Variants in CDH8 observed in about 807,000 individuals in gnomAD.
CDH8 encodes the protein cadherin-8.
CDH8 carries 17 observed loss-of-function variants against 68.1 expected under a neutral mutation model. That is an observed-to-expected ratio of 0.25 (90% CI 0.17 to 0.37). The LOEUF is 0.37. CDH8 is among the 10% of genes least tolerant of loss of function. The pLI is 1.00. For synonymous variants in CDH8, 372 were observed against 365.1 expected, an observed-to-expected ratio of 1.02 and a Z score of -0.21; for missense variants, 763 against 999.3, an observed-to-expected ratio of 0.76 and a Z score of 3.19.
chr16:61,890,138 C>T (rs577134532), intron 3 of CDH8, among the ~76,000 whole-genome samples: 10 of 152,092 alleles, frequency 6.6e-5, no homozygotes, highest in African/African-American at 2.4e-4. Context: ...AGAGGAAAAC[C>T]AATGTATTTA....
rs1474685104 is a variant in CDH8, at chr16:62,008,892, T to C, written c.252+12260A>G. ...CAAAGTCAAGGATGCAATCAGAGGA[T>C]GAGCTTTGCCAAAGGAAAGCTCCTT... On this transcript the variant is annotated intron_variant, in intron 2 of 11. Coordinates refer to ENST00000577390, the MANE Select transcript of CDH8 (RefSeq NM_001796.5). 2.0e-5 allele frequency among the ~76,000 whole-genome samples: 3 copies of C among 152,048 alleles called. No homozygotes were observed. In the East Asian group the frequency reaches 5.8e-4, roughly 29 times the overall value.
intron 8 of CDH8, among the ~76,000 whole-genome samples, chr16:61,738,565 C>A (rs1403913077): frequency 3.3e-5 from 5 of 152,038 alleles, no homozygotes; most frequent in Non-Finnish European, 1.5e-5. Context: ...ATCTTAGATC[C>A]TTTCTTTATA....
intron 2 of CDH8, among the ~76,000 whole-genome samples, chr16:61,977,519 C>T (rs566215201): frequency 6.6e-6 from 1 of 152,178 alleles, no homozygotes; most frequent in Admixed American, 6.5e-5. Context: ...AAGTGTGAGT[C>T]TGAGGTTAAG....
At chr16:61,819,981 C>A (rs891521863) in intron 6 of CDH8, among the ~76,000 whole-genome samples, 4 of 152,038 alleles carry the variant, frequency 2.6e-5, no homozygotes, top group Non-Finnish European at 4.4e-5. Flanking sequence ...AAAGAATGAA[C>A]TATGTTCTAC....
chr16:61,710,782 G>T (rs1186720865), intron 10 of CDH8: 1 of 151,978 alleles, frequency 6.6e-6, no homozygotes, highest in Admixed American at 6.6e-5. Flanking sequence ...AGGAAGAGTA[G>T]TTTTCTGGAG....
At chr16:61,953,895 T>TTATATATATATATATATATATATATA (rs66743095) in intron 2 of CDH8, among the ~76,000 whole-genome samples, 97 of 118,820 alleles carry the variant, frequency 8.2e-4, no homozygotes, top group African/African-American at 3.5e-3. Context: ...AAAAAAAACT[T>TTATATATATATATATATATATATATA]TATATATATA....
At chr16:61,822,414 T>TA (rs1489355724) in intron 5 of CDH8, among the ~76,000 whole-genome samples, 1 of 151,148 alleles carries the variant, frequency 6.6e-6, no homozygotes, top group East Asian at 2.0e-4. Context: ...AAGGGAAAAT[T>TA]AAACATTCAA....
intron 4 of CDH8, among the ~76,000 whole-genome samples, chr16:61,851,210 A>C (rs1369332394): frequency 6.6e-6 from 1 of 152,070 alleles, no homozygotes; most frequent in Admixed American, 6.6e-5. Context: ...TCCATGTATT[A>C]TCTTGATTTT....
At chr16:61,973,228 A>G (rs920462443) in intron 2 of CDH8, among the ~76,000 whole-genome samples, 1 of 152,200 alleles carries the variant, frequency 6.6e-6, no homozygotes, top group Non-Finnish European at 1.5e-5. Context: ...ACTGAGGATG[A>G]TGAGGATAAA....
intron 2 of CDH8, among the ~76,000 whole-genome samples, chr16:61,982,375 T>A (rs1405311546): frequency 2.6e-5 from 4 of 152,092 alleles, no homozygotes; most frequent in East Asian, 3.9e-4. Context: ...GCCCGCCACC[T>A]CGCCCGGCTA....
At chr16:62,009,317 A>G (rs1315698175) in intron 2 of CDH8, among the ~76,000 whole-genome samples, 1 of 152,182 alleles carries the variant, frequency 6.6e-6, no homozygotes, top group Non-Finnish European at 1.5e-5. Flanking sequence ...GAAATGCAAC[A>G]GAGAAGTACA....
At position 62,003,756 on chromosome 16, in the gene CDH8, G is replaced by A. The variant is rs372292141; in HGVS notation, c.252+17396C>T. 2.0e-4 allele frequency among the ~76,000 whole-genome samples: 31 copies of A among 152,164 alleles called. No homozygotes were observed. The East Asian group carries it at 2.7e-3, about 13-fold the overall frequency. ...CAAAATAATTATGGTATTTGCATGC[G>A]ACATTTTGAAATATTAGACATGTCC... On this transcript the variant is annotated intron_variant, in intron 2 of 11. Coordinates refer to ENST00000577390, the MANE Select transcript of CDH8 (RefSeq NM_001796.5).
rs374778365 is a variant in CDH8, at chr16:61,653,844, C to T, written c.2164G>A (p.Asp722Asn). The change falls in exon 12 of 12, where the codon GAT becomes AAT. Residue 722 changes from aspartate (D) to asparagine (N), a missense_variant. Asp to Asn is a conservative substitution (Grantham distance 23). Around this residue, in one of 2 missense-constraint regions of CDH8, gnomAD observed 397 missense variants for 436.2 expected, o/e 0.91. Coordinates refer to ENST00000577390, the MANE Select transcript of CDH8 (RefSeq NM_001796.5). ...TGCAGCCTTACATTTATAAATTCATCGACATCAACACCATTTGGAACTGGA... is the reference window on the plus strand; with the variant it reads ...TGCAGCCTTACATTTATAAATTCATTGACATCAACACCATTTGGAACTGGA... ...LAPVPNGVDV[D>N]EFINVRLHEA... The T allele has an allele frequency of 1.9e-6, 3 of 1,614,056 alleles. No homozygotes were observed. The highest frequency in any genetic ancestry group is 1.7e-6 in the Non-Finnish European group (2 of 1,180,056).
intron 8 of CDH8, among the ~76,000 whole-genome samples, chr16:61,745,281 A>T (rs1959990171): frequency 6.6e-6 from 1 of 151,798 alleles, no homozygotes; most frequent in South Asian, 2.1e-4. Flanking sequence ...GGTTAATTTT[A>T]AATTCTCATT....
chr16:61,924,433 G>A (rs1251553338), intron 2 of CDH8, among the ~76,000 whole-genome samples: 1 of 152,046 alleles, frequency 6.6e-6, no homozygotes, highest in Admixed American at 6.6e-5. Flanking sequence ...TTAAATATCA[G>A]GCCAAAGTTA....
At chr16:61,997,746 G>T (rs190593578) in intron 2 of CDH8, among the ~76,000 whole-genome samples, 1 of 152,046 alleles carries the variant, frequency 6.6e-6, no homozygotes, top group South Asian at 2.1e-4. Flanking sequence ...TTAGAAAACC[G>T]CATCACTTCT....
chr16:61,939,479 G>C (rs1964678622), intron 2 of CDH8, among the ~76,000 whole-genome samples: 1 of 151,974 alleles, frequency 6.6e-6, no homozygotes, highest in African/African-American at 2.4e-5. Context: ...GCCATCATTG[G>C]GTAAATATTC....
intron 1 of CDH8, chr16:62,032,086 T>C (rs1902340574): frequency 6.6e-6 from 1 of 152,216 alleles, no homozygotes; most frequent in South Asian, 2.1e-4. Context: ...ATGATGGCCT[T>C]TGTCCATCAA....
chr16:61,976,737 T>C (rs937087166), intron 2 of CDH8, among the ~76,000 whole-genome samples: 22 of 152,282 alleles, frequency 1.4e-4, no homozygotes, highest in Non-Finnish European at 2.2e-4. Context: ...AACACATCAG[T>C]GTAAAACCAA....
Sources: allele counts gnomAD v4.1 joint callset (sites outside exome capture counted in the v4.1 genomes callset), GRCh38; gene constraint gnomAD v4.1.1; regional missense constraint gnomAD v4.1.1; transcripts MANE v1.5; gene names NCBI Gene and HGNC (gene_info 2026-07-23, HGNC 2026-07-21).